Variants in PHEX observed in about 807,000 individuals in gnomAD.
The protein encoded by PHEX is phosphate-regulating neutral endopeptidase PHEX.
PHEX carries 16 observed loss-of-function variants against 68.0 expected under a neutral mutation model. That is an observed-to-expected ratio of 0.24 (90% confidence interval 0.16 to 0.36). The LOEUF is 0.36. Ranked by LOEUF, PHEX falls within the 10% of genes least tolerant of loss-of-function variation. The pLI, the probability that PHEX is intolerant of heterozygous loss-of-function variation, is 1.00. For synonymous variants in PHEX, 208 were observed against 205.1 expected (o/e 1.01, Z -0.12); for missense variants, 480 against 575.5 (o/e 0.83, Z 1.70).
chrX:22,238,254 T>A (rs964624973), intron 20 of PHEX, among the ~76,000 whole-genome samples: 3 of 112,287 alleles, frequency 2.7e-5, no homozygotes, highest in Non-Finnish European at 3.8e-5. Context: ...TCACTGGGAC[T>A]GGTTGGACAG....
intron 19 of PHEX, among the ~76,000 whole-genome samples, 158 bp from the exon 20 acceptor site, chrX:22,227,349 C>T (rs879104898): frequency 8.9e-6 from 1 of 112,726 alleles, no homozygotes; most frequent in South Asian, 3.6e-4. Context: ...ACCTGCCTCA[C>T]TGGTAAGCAA....
chrX:22,160,810 A>C (rs1335956377), intron 12 of PHEX, among the ~76,000 whole-genome samples: 1 of 111,375 alleles, frequency 9.0e-6, no homozygotes, highest in African/African-American at 3.3e-5. Flanking sequence ...GCTTACATAA[A>C]ATATATAGTT....
At chrX:22,037,401 G>A (rs1927079290) in intron 1 of PHEX, among the ~76,000 whole-genome samples, 1 of 111,372 alleles carries the variant, frequency 9.0e-6, no homozygotes, top group African/African-American at 3.3e-5. Flanking sequence ...ATCTCCAAAT[G>A]ATTCATTGTT....
chrX:22,048,728 A>C (rs931954839), intron 3 of PHEX, among the ~76,000 whole-genome samples: 14 of 112,157 alleles, frequency 1.2e-4, no homozygotes. Flanking sequence ...GGCTCCTTCA[A>C]AATCAATAGA....
At chrX:22,169,946 A>C (rs952394003) in intron 13 of PHEX, 3 of 112,730 alleles carry the variant, frequency 2.7e-5, no homozygotes, top group Non-Finnish European at 3.7e-5. Flanking sequence ...ACTCTGGCTC[A>C]GAGTATAGCC....
At chrX:22,043,526 T>C in intron 2 of PHEX, among the ~76,000 whole-genome samples, 1 of 112,130 alleles carries the variant, frequency 8.9e-6, no homozygotes, top group East Asian at 2.8e-4. Context: ...TCTTAGCTGC[T>C]GCATGGTGTT....
At chrX:22,080,666 C>T (rs180687324) in intron 5 of PHEX, among the ~76,000 whole-genome samples, 1 of 109,792 alleles carries the variant, frequency 9.1e-6, no homozygotes, top group Admixed American at 9.8e-5. Flanking sequence ...ACATTTGAAG[C>T]CCCCCCCACT....
At chrX:22,119,180 C>T (rs1448016148) in intron 11 of PHEX, among the ~76,000 whole-genome samples, 1 of 111,672 alleles carries the variant, frequency 9.0e-6, no homozygotes, top group African/African-American at 3.3e-5. Flanking sequence ...GAGCCACTAC[C>T]CCTGGCCTCC....
At chrX:22,197,730 A>G (rs1211274487) in intron 15 of PHEX, among the ~76,000 whole-genome samples, 6 of 111,559 alleles carry the variant, frequency 5.4e-5, no homozygotes, top group Non-Finnish European at 1.1e-4. Flanking sequence ...ACACAGCAAG[A>G]GGTAACTAAT....
chrX:22,251,127 G>C lies in PHEX; in HGVS notation c.*3174G>C, dbSNP rs1347530050. ...CATATTACATTATGGAAGAATATAC[G>C]ATTGCTTCATATAACAACATTCTCA... On this transcript the variant is annotated 3_prime_UTR_variant, in exon 22 of 22. Coordinates refer to ENST00000379374, the MANE Select transcript of PHEX (RefSeq NM_000444.6). 2.7e-5 allele frequency: 3 copies of C among 112,370 alleles called. No homozygotes were observed. Among genetic ancestry groups the C allele is most frequent in the African/African-American group, 9.7e-5 (3 of 30,996 alleles). The allele number at this position is 112,370 out of a possible 1,213,427, so 9.3% of individuals were successfully genotyped here.
Position 22,039,935 on chromosome X carries a change from C to CA in PHEX, c.187+1406dup, listed in dbSNP as rs35965481. Among the ~76,000 whole-genome samples the CA allele has an allele frequency of 6.6e-3, 714 of 108,147 alleles. 6 individuals carry two copies. Among genetic ancestry groups the CA allele is most frequent in the African/African-American group, 0.022 (652 of 29,827 alleles). The allele number at this position is 108,147 out of a possible 115,157, so 93.9% of individuals were successfully genotyped here. On this transcript the variant is annotated intron_variant, in intron 2 of 21. Transcript: ENST00000379374. The stretch of plus-strand genomic sequence containing the variant: ...TCGGTGACAGAGGGAACTTCTGTCT[C>CA]AAAAAAAACAAAACAAAACAAACCT...
In PHEX at chrX:22,221,688, C is replaced by T; in HGVS notation, c.1844C>T (p.Thr615Ile). 1 of 1,200,622 alleles carries T rather than the reference C, an allele frequency of 8.3e-7. No individual in the cohort carries two copies. The highest frequency in any genetic ancestry group is 1.1e-6 in the Non-Finnish European group (1 of 885,103). ...TCAGAAGAAAAGTTTAAGGAAAAAA[C>T]AAAATGCATGATTAACCAGTATAGC... ...TESEEKFKEK[T>I]KCMINQYSNY... Residue 615 changes from threonine (T) to isoleucine (I), a missense_variant, in exon 18 of 22, where the codon ACA (threonine) becomes ATA (isoleucine). By Grantham distance (89) the Thr-to-Ile change is moderately conservative. Transcript: ENST00000379374.
At chrX:22,179,475 C>G (rs1933814965) in intron 14 of PHEX, among the ~76,000 whole-genome samples, 1 of 107,784 alleles carries the variant, frequency 9.3e-6, no homozygotes, top group African/African-American at 3.4e-5. Flanking sequence ...TATTCCTCAC[C>G]CCCCTCCCAC....
intron 12 of PHEX, among the ~76,000 whole-genome samples, chrX:22,138,293 A>G (rs1489624886): frequency 8.9e-6 from 1 of 112,605 alleles, no homozygotes; most frequent in South Asian, 3.7e-4. Context: ...TCAATGCCAC[A>G]AACATTTCTA....
At chrX:22,135,832 G>A (rs1932204531) in intron 12 of PHEX, among the ~76,000 whole-genome samples, 1 of 111,823 alleles carries the variant, frequency 8.9e-6, no homozygotes, top group Non-Finnish European at 1.9e-5. Context: ...TCTTTGAGCT[G>A]AGTTCAACCT....
At chrX:22,185,687 A>T (rs1934006302) in intron 14 of PHEX, among the ~76,000 whole-genome samples, 1 of 109,494 alleles carries the variant, frequency 9.1e-6, no homozygotes, top group African/African-American at 3.4e-5. Context: ...GTACTGAAAC[A>T]ACAGTCATTA....
intron 14 of PHEX, among the ~76,000 whole-genome samples, chrX:22,180,110 A>G (rs1368407796): frequency 6.4e-5 from 7 of 108,922 alleles, no homozygotes; most frequent in African/African-American, 2.4e-4. Flanking sequence ...TTTAACTCTT[A>G]TTTGTAGTTA....
intron 16 of PHEX, among the ~76,000 whole-genome samples, chrX:22,213,780 A>T (rs1016374602): frequency 8.9e-6 from 1 of 112,527 alleles, no homozygotes; most frequent in African/African-American, 3.2e-5. Flanking sequence ...TGACAATTTA[A>T]AAATATGTAG....
chrX:22,058,044 G>C lies in PHEX; in HGVS notation c.349+10833G>C, dbSNP rs955814723. ...AAATCATCAGTCATTTTCCATTTGT[G>C]TTCTGGGCCTCAGGAAGGCAGGACA... On this transcript the variant is annotated intron_variant, in intron 3 of 21. Transcript: ENST00000379374. 3.6e-5 allele frequency among the ~76,000 whole-genome samples: 4 copies of C among 111,969 alleles called. No homozygotes were observed. The South Asian group carries it at 1.5e-3, about 42-fold the overall frequency.
Sources: allele counts gnomAD v4.1 joint callset (sites outside exome capture counted in the v4.1 genomes callset), GRCh38; gene constraint gnomAD v4.1.1; transcripts MANE v1.5; gene names NCBI Gene and HGNC (gene_info 2026-07-23, HGNC 2026-07-21).